The following CEP63 variants were observed in gnomAD, a reference collection of about 807,000 sequenced individuals.
CEP63 encodes centrosomal protein 63.
In CEP63, 84 loss-of-function variants were observed where a neutral mutation model predicts 89.1. The ratio of observed to expected loss-of-function variants is 0.94; its 90% CI spans 0.79 to 1.13. The LOEUF (loss-of-function observed/expected upper bound fraction) is 1.13, where lower values mean the gene tolerates loss of function less well. CEP63 is among the 50% of genes most tolerant of loss of function. The probability of loss-of-function intolerance (pLI) is 0.00; values close to 1 mark genes in which losing one functional copy is unlikely to be tolerated. For missense variants in CEP63, 838 were observed against 813.3 expected (o/e 1.03, Z -0.37); for synonymous variants, 267 against 272.5 (o/e 0.98, Z 0.20).
the CEP63 span, among the ~76,000 whole-genome samples, chr3:134,705,916 T>G: frequency 2.0e-5 from 3 of 152,222 alleles, no homozygotes; most frequent in African/African-American, 7.2e-5. Context: ...GTGTGTTAAG[T>G]GACTTTTTCA....
At chr3:134,602,624 G>C in the CEP63 span, among the ~76,000 whole-genome samples, 4 of 152,112 alleles carry the variant, frequency 2.6e-5, no homozygotes. Context: ...CCTTATTCAG[G>C]GCTATCCACA....
At chr3:134,566,811 C>G (rs148790963), downstream of CEP63, among the ~76,000 whole-genome samples, 2 of 152,132 alleles carry the variant, frequency 1.3e-5, no homozygotes, top group African/African-American at 4.8e-5. Context: ...AATTGGAACA[C>G]TCATATGTTG....
chr3:134,689,521 G>A, the CEP63 span, among the ~76,000 whole-genome samples: 6 of 151,882 alleles, frequency 4.0e-5, no homozygotes, highest in Admixed American at 1.3e-4. Context: ...GCATGAGCTC[G>A]GCTCACTGCA....
chr3:134,556,792 A>G (rs940246808), intron 12 of CEP63, among the ~76,000 whole-genome samples: 1 of 152,186 alleles, frequency 6.6e-6, no homozygotes, highest in African/African-American at 2.4e-5. Flanking sequence ...CTCAGTTTTC[A>G]TATTACCTTT....
At chr3:134,547,614 C>CTTTTTTTTTTTTCTTTTTTTTTTTTTTTT (rs1953754749) in intron 9 of CEP63, 142 bp downstream of exon 9, 1 of 224,274 alleles carries the variant, frequency 4.5e-6, no homozygotes, top group Non-Finnish European at 8.0e-6. Context: ...GTTCTTATTT[C>CTTTTTTTTTTTTCTTTTTTTTTTTTTTTT]TTTTTTTTTT....
At chr3:134,544,632 T>A (rs1952793784) in intron 6 of CEP63, among the ~76,000 whole-genome samples, 1 of 79,998 alleles carries the variant, frequency 1.3e-5, no homozygotes. Context: ...CAACATGCTC[T>A]AGGTGGGGGG....
At chr3:134,738,249 TACACACACACACACACAC>T in the CEP63 span, among the ~76,000 whole-genome samples, 2 of 145,678 alleles carry the variant, frequency 1.4e-5, no homozygotes, top group African/African-American at 5.3e-5. Context: ...TATTCCATCA[TACACACACACACACACAC>T]ACACACACAC....
the CEP63 span, among the ~76,000 whole-genome samples, chr3:134,716,730 A>AC: frequency 7.7e-4 from 117 of 151,698 alleles, no homozygotes; most frequent in African/African-American, 2.1e-3. Context: ...CACAACAGCC[A>AC]CCCCCCCAAT....
intron 3 of CEP63, among the ~76,000 whole-genome samples, chr3:134,512,605 AC>A (rs1349811601): frequency 6.6e-6 from 1 of 150,506 alleles, no homozygotes; most frequent in Non-Finnish European, 1.5e-5. Context: ...TAGGATTCTT[AC>A]TTCTGTGAGG....
At chr3:134,705,327 C>T in the CEP63 span, among the ~76,000 whole-genome samples, 17 of 152,028 alleles carry the variant, frequency 1.1e-4, no homozygotes, top group Non-Finnish European at 2.9e-5. Flanking sequence ...AGGAGCAAAA[C>T]CTGAGTGGGG....
rs1372394562 is a variant in CEP63, at chr3:134,564,808, C to T, written c.*3273C>T. On this transcript the variant is annotated 3_prime_UTR_variant, in exon 15 of 15. Transcript: ENST00000675561. ...GCCCGTTTCTGAAACGTTTGTACTA[C>T]GTGTTGACTAGGAGGAACAATGACA... The T allele has an allele frequency of 4.1e-6, 4 of 985,132 alleles. No individual in the cohort carries two copies. The highest frequency in any genetic ancestry group is 1.7e-5 in the African/African-American group (1 of 57,220). 61.0% of individuals were successfully genotyped at this position (985,132 alleles called of 1,614,324 possible).
chr3:134,771,700 G>C, the CEP63 span, among the ~76,000 whole-genome samples: 1 of 152,178 alleles, frequency 6.6e-6, no homozygotes. Context: ...ATGGGTTGAT[G>C]GGTGCAGCAA....
chr3:134,652,654 A>ACG, the CEP63 span, among the ~76,000 whole-genome samples: 10 of 144,710 alleles, frequency 6.9e-5, no homozygotes, highest in Non-Finnish European at 1.3e-4. Flanking sequence ...ACACACACAC[A>ACG]CACGCGCGCG....
the CEP63 span, among the ~76,000 whole-genome samples, chr3:134,661,753 G>C: frequency 6.6e-6 from 1 of 151,956 alleles, no homozygotes; most frequent in South Asian, 2.1e-4. Context: ...CAGGAAGGAA[G>C]AGGGGAAGGA....
rs754022728 is a variant in CEP63 at position 134,561,555 on chromosome 3, T to C, written c.*20T>C. 1.9e-6 allele frequency: 3 copies of C among 1,601,948 alleles called. No homozygotes were observed. Among genetic ancestry groups the C allele is most frequent in the East Asian group, 4.5e-5 (2 of 44,302 alleles). On this transcript the variant is annotated 3_prime_UTR_variant, in exon 15 of 15. Transcript: ENST00000675561. Reference sequence around the variant, plus strand: ...AAGTAGCCTCTTAAAAAAATCACTATCTTGGAAATAAAAATAAACACCAAA... The same window carrying C: ...AAGTAGCCTCTTAAAAAAATCACTACCTTGGAAATAAAAATAAACACCAAA...
chr3:134,630,461 A>G, the CEP63 span, among the ~76,000 whole-genome samples: 5 of 152,342 alleles, frequency 3.3e-5, no homozygotes, highest in East Asian at 7.7e-4. Context: ...TGTGGGGCCT[A>G]TATGGCAGAG....
At chr3:134,637,279 A>T in the CEP63 span, among the ~76,000 whole-genome samples, 2 of 152,230 alleles carry the variant, frequency 1.3e-5, no homozygotes, top group African/African-American at 2.4e-5. Flanking sequence ...AGCAGCAAAT[A>T]CTTTCTGTGT....
chr3:134,739,524 G>T, the CEP63 span, among the ~76,000 whole-genome samples: 2 of 152,048 alleles, frequency 1.3e-5, no homozygotes, highest in Admixed American at 1.3e-4. Context: ...TCCATCAACA[G>T]AAAAATTGAT....
rs772713702 is a variant in CEP63, at chr3:134,561,959, C to T, written c.*424C>T. 2.0e-6 allele frequency: 2 copies of T among 1,018,572 alleles called. No homozygotes were observed. The highest frequency in any genetic ancestry group is 2.4e-6 in the Non-Finnish European group (2 of 850,224). The allele number at this position is 1,018,572 out of a possible 1,614,324, so 63.1% of individuals were successfully genotyped here. On this transcript the variant is annotated 3_prime_UTR_variant, in exon 15 of 15. Transcript: ENST00000675561. ...GGTCAAACATACCTGGATCGATAGA[C>T]TGGTTTTGCCACTTACCAGCCAACG...
Sources: allele counts gnomAD v4.1 joint callset (sites outside exome capture counted in the v4.1 genomes callset), GRCh38; gene constraint gnomAD v4.1.1; transcripts MANE v1.5; gene names NCBI Gene and HGNC (gene_info 2026-07-23, HGNC 2026-07-21).